The following ZFHX3 variants were observed in gnomAD, a reference collection of about 807,000 sequenced individuals.
The protein encoded by ZFHX3 is zinc finger homeobox 3, also known as zinc finger homeobox protein 3.
ZFHX3 carries 42 observed loss-of-function variants against 279.1 expected under a neutral mutation model. The ratio of observed to expected loss-of-function variants is 0.15; its 90% CI spans 0.12 to 0.19. The LOEUF is 0.19. Among genes scored for constraint, ZFHX3 ranks in the 10% least tolerant of loss-of-function variants. The pLI, the probability that ZFHX3 is intolerant of heterozygous loss-of-function variation, is 1.00. For synonymous variants in ZFHX3, 2,293 were observed against 1,957.8 expected, an observed-to-expected ratio of 1.17 and a Z score of -4.52; for missense variants, 4,981 against 4,754.0, an observed-to-expected ratio of 1.05 and a Z score of -1.40.
At chr16:73,204,467 CAAT>C (rs2011723963) in intron 5 of ZFHX3, among the ~76,000 whole-genome samples, 1 of 152,186 alleles carries the variant, frequency 6.6e-6, no homozygotes, top group African/African-American at 2.4e-5. Context: ...GTGCAGTTCA[CAAT>C]AGGGTTTGTG....
rs1215828618 is a variant in ZFHX3 at position 72,811,761 on chromosome 16, T to C, written c.3680A>G (p.Tyr1227Cys). The change falls in exon 7 of 10, where the codon TAC (tyrosine) becomes TGC (cysteine). Residue 1227 changes from tyrosine to cysteine, a missense_variant. By Grantham distance (194) the Tyr-to-Cys change is radical. Transcript: ENST00000268489. ...IKPEQMYQCP[Y>C]CKYSNADVNR... Reference sequence around the variant, plus strand: ...GACATCGGCATTACTGTACTTGCAGTAGGGACACTGGTACATCTGTGGGGA... The same window carrying C: ...GACATCGGCATTACTGTACTTGCAGCAGGGACACTGGTACATCTGTGGGGA... 8 of 1,613,836 alleles carry C rather than the reference T, an allele frequency of 5.0e-6. No homozygotes were observed. In the South Asian group the frequency reaches 8.8e-5, roughly 18 times the overall value.
At chr16:73,352,063 C>T (rs2016251949) in intron 3 of ZFHX3, among the ~76,000 whole-genome samples, 2 of 152,242 alleles carry the variant, frequency 1.3e-5, no homozygotes. Context: ...CACAATGTTC[C>T]TTCCCATTCA....
chr16:73,415,240 C>A (rs913623072), intron 3 of ZFHX3, among the ~76,000 whole-genome samples: 1 of 152,116 alleles, frequency 6.6e-6, no homozygotes, highest in Non-Finnish European at 1.5e-5. Context: ...TGGTTCTGGG[C>A]TGCAAACCAG....
At chr16:73,154,509 A>G (rs1967024994) in intron 5 of ZFHX3, among the ~76,000 whole-genome samples, 1 of 152,138 alleles carries the variant, frequency 6.6e-6, no homozygotes. Flanking sequence ...CCCAAGACAC[A>G]CTAAAATGGA....
chr16:73,235,552 C>A (rs1470800901), intron 5 of ZFHX3, among the ~76,000 whole-genome samples: 2 of 152,116 alleles, frequency 1.3e-5, no homozygotes, highest in East Asian at 3.9e-4. Context: ...ATGAAATGGA[C>A]CGGAGAGGCA....
intron 1 of ZFHX3, among the ~76,000 whole-genome samples, chr16:73,034,860 C>A (rs568150845): frequency 3.3e-5 from 5 of 152,330 alleles, no homozygotes; most frequent in Non-Finnish European, 7.3e-5. Context: ...TATCTCCTAA[C>A]AATCTCATGA....
chr16:72,793,070 A>G lies in ZFHX3; in HGVS notation c.9427+185T>C, dbSNP rs1012292751. Among the ~76,000 whole-genome samples the G allele has an allele frequency of 2.0e-5, 3 of 152,262 alleles. No individual in the cohort carries two copies. Among genetic ancestry groups the G allele is most frequent in the African/African-American group, 7.2e-5 (3 of 41,476 alleles). ...GAGACTGTTCCGACCAGGAGGTCCC[A>G]TCCCTGACACACCAGTACTTGGGAG... On this transcript the variant is annotated intron_variant, in intron 9 of 9. Coordinates refer to ENST00000268489, the MANE Select transcript of ZFHX3 (RefSeq NM_006885.4). The surrounding 1 kb of genome is among the most constrained non-coding windows in gnomAD (Gnocchi z 4.3).
intron 5 of ZFHX3, among the ~76,000 whole-genome samples, chr16:73,192,953 CCTGT>C (rs1968074713): frequency 6.6e-6 from 1 of 152,056 alleles, no homozygotes. Flanking sequence ...CCTCAGTTTC[CCTGT>C]CTGTGAAACT....
chr16:73,416,558 G>A (rs777175878), intron 3 of ZFHX3, among the ~76,000 whole-genome samples: 3 of 152,134 alleles, frequency 2.0e-5, no homozygotes, highest in Non-Finnish European at 4.4e-5. Context: ...TGCTGCCAGG[G>A]GTACTCAATT....
chr16:73,536,071 T>C (rs1007944306), intron 2 of ZFHX3, among the ~76,000 whole-genome samples: 1 of 152,080 alleles, frequency 6.6e-6, no homozygotes, highest in African/African-American at 2.4e-5. Flanking sequence ...AAGCTGGAGA[T>C]GGTTTTAGAT....
rs140507318 is a variant in ZFHX3 at position 73,560,193 on chromosome 16, A to G, written c.-1546-103935T>C. On this transcript the variant is annotated intron_variant, in intron 2 of 17. Coordinates refer to the ZFHX3 transcript ENST00000641206. ...AAGATGCTGAAGATTTCCCAGTTAC[A>G]GGAATCTTTTCAAGGACTATTTCAG... 1.6e-3 allele frequency among the ~76,000 whole-genome samples: 239 copies of G among 152,312 alleles called. 1 individual carries two copies. Among genetic ancestry groups the G allele is most frequent in the African/African-American group, 5.4e-3 (223 of 41,560 alleles).
Position 73,655,973 on chromosome 16 carries a change from G to A in ZFHX3, c.-1547+24207C>T, listed in dbSNP as rs376853591. 1.4e-4 allele frequency among the ~76,000 whole-genome samples: 22 copies of A among 152,254 alleles called. No individual in the cohort carries two copies. The East Asian group carries it at 3.9e-3, about 27-fold the overall frequency. ...ATCCCTAACTGAAAACAACCCAAATGTCTGTCAAGAATAAAATATGTAAAT... is the reference window on the plus strand; with the variant it reads ...ATCCCTAACTGAAAACAACCCAAATATCTGTCAAGAATAAAATATGTAAAT... On this transcript the variant is annotated intron_variant, in intron 2 of 17. Transcript: ENST00000641206.
chr16:72,871,809 G>A lies in ZFHX3; in HGVS notation c.3448+17922C>T, dbSNP rs1267270585. 2.0e-5 allele frequency among the ~76,000 whole-genome samples: 3 copies of A among 151,926 alleles called. No individual in the cohort carries two copies. In the East Asian group the frequency reaches 5.9e-4, roughly 30 times the overall value. ...TAAAAATTTTTTAAGGAATTGGCTG[G>A]GCGCGGTGGCTCACGCCTGTAATCC... On this transcript the variant is annotated intron_variant, in intron 4 of 9. Transcript: ENST00000268489.
In ZFHX3 at chr16:72,957,813, G is replaced by A. The variant is rs971431468; in HGVS notation, c.2333C>T (p.Ala778Val). 2.0e-6 allele frequency: 3 copies of A among 1,527,732 alleles called. No homozygotes were observed. Among genetic ancestry groups the A allele is most frequent in the African/African-American group, 1.4e-5 (1 of 72,856 alleles). 94.6% of individuals were successfully genotyped at this position (1,527,732 alleles called of 1,614,324 possible). ...GATATTGGCTGCCGCCGCCGCCGCA[G>A]CCACCGCCGCCGCCGCCGCCCCGGC... ...HTAGAAAAAV[A>V]AAAAAANISS... The change falls in exon 2 of 10, where the codon GCT becomes GTT. Residue 778 changes from alanine (A) to valine (V), a missense_variant. Coordinates refer to ENST00000268489, the MANE Select transcript of ZFHX3 (RefSeq NM_006885.4).
chr16:73,454,887 T>C (rs76467318), intron 3 of ZFHX3, among the ~76,000 whole-genome samples: 1,669 of 151,778 alleles, frequency 0.011, 31 homozygotes, highest in African/African-American at 0.038. Context: ...AGCTAGGATA[T>C]TCAAGTATAA....
At chr16:72,792,701 C>T (rs980356483) in intron 9 of ZFHX3, among the ~76,000 whole-genome samples, 6 of 152,148 alleles carry the variant, frequency 3.9e-5, no homozygotes, top group Admixed American at 6.5e-5. Context: ...CTGCCCGCCT[C>T]GGCCTCCCAA....
At chr16:73,831,875 C>T (rs373868292) in intron 1 of ZFHX3, among the ~76,000 whole-genome samples, 5 of 152,292 alleles carry the variant, frequency 3.3e-5, no homozygotes, top group African/African-American at 9.6e-5. Flanking sequence ...GGCTGGCCCT[C>T]ACCTGACTAG....
chr16:73,695,059 C>G (rs896901733), intron 1 of ZFHX3, among the ~76,000 whole-genome samples: 1 of 152,166 alleles, frequency 6.6e-6, no homozygotes, highest in Non-Finnish European at 1.5e-5. Context: ...TATTGCAGAC[C>G]TATTTACACA....
chr16:72,999,782 A>G (rs1308871188), intron 1 of ZFHX3, among the ~76,000 whole-genome samples: 5 of 152,094 alleles, frequency 3.3e-5, no homozygotes, highest in African/African-American at 1.2e-4. Flanking sequence ...GAATCAGTCA[A>G]TTTTCTTCAC....
Sources: allele counts gnomAD v4.1 joint callset (sites outside exome capture counted in the v4.1 genomes callset), GRCh38; gene constraint gnomAD v4.1.1; non-coding constraint Gnocchi (gnomAD v3.1); transcripts MANE v1.5; gene names NCBI Gene and HGNC (gene_info 2026-07-23, HGNC 2026-07-21).